The following PDSS2 variants were observed in gnomAD, a reference collection of about 807,000 sequenced individuals.
PDSS2 encodes the protein all trans-polyprenyl-diphosphate synthase PDSS2.
In PDSS2, 31 loss-of-function variants were observed where a neutral mutation model predicts 44.5. The observed-to-expected ratio is 0.70, with a 90% CI of 0.52 to 0.94. The LOEUF (loss-of-function observed/expected upper bound fraction) is 0.94. PDSS2 is among the 40% of genes least tolerant of loss of function. The pLI is 0.00. For synonymous variants in PDSS2, 157 were observed against 180.3 expected (o/e 0.87, Z 1.03); for missense variants, 452 against 482.2 (o/e 0.94, Z 0.59).
intron 2 of PDSS2, among the ~76,000 whole-genome samples, chr6:107,321,355 C>T (rs192176450): frequency 6.6e-6 from 1 of 152,304 alleles, no homozygotes; most frequent in Admixed American, 6.5e-5. Context: ...ATGATTAAGA[C>T]ACAAACCCTG....
intron 1 of PDSS2, among the ~76,000 whole-genome samples, chr6:107,444,526 T>C (rs1781606829): frequency 6.6e-6 from 1 of 152,188 alleles, no homozygotes; most frequent in Admixed American, 6.5e-5. Flanking sequence ...CTTATTCTTG[T>C]TTGTACATCC....
At chr6:107,171,801 C>T (rs577418017) in intron 7 of PDSS2, among the ~76,000 whole-genome samples, 4 of 152,278 alleles carry the variant, frequency 2.6e-5, no homozygotes, top group African/African-American at 9.6e-5. Context: ...GCTGGGATTA[C>T]AGGCGTGAGG....
intron 1 of PDSS2, among the ~76,000 whole-genome samples, chr6:107,346,311 T>C (rs554473939): frequency 1.3e-5 from 2 of 152,198 alleles, no homozygotes; most frequent in South Asian, 2.1e-4. Flanking sequence ...TCATTTACCA[T>C]GGTATCCTCA....
At chr6:107,434,799 C>A (rs572819382) in intron 1 of PDSS2, among the ~76,000 whole-genome samples, 1 of 152,132 alleles carries the variant, frequency 6.6e-6, no homozygotes, top group East Asian at 1.9e-4. Context: ...GTAACACATA[C>A]CCCATTTACC....
intron 2 of PDSS2, among the ~76,000 whole-genome samples, chr6:107,287,373 A>C (rs913568022): frequency 2.0e-5 from 3 of 152,104 alleles, no homozygotes; most frequent in Non-Finnish European, 4.4e-5. Context: ...CCCTGAATAT[A>C]CTACTGTATT....
intron 1 of PDSS2, among the ~76,000 whole-genome samples, chr6:107,398,086 C>T (rs962880917): frequency 2.0e-5 from 3 of 152,178 alleles, no homozygotes; most frequent in Non-Finnish European, 2.9e-5. Flanking sequence ...CTTTAAGAAA[C>T]TACCACCTGT....
chr6:107,459,181 C>CA lies in PDSS2; in HGVS notation c.104dup (p.Ser37LeufsTer68). 6.2e-7 allele frequency: 1 copy of CA among 1,614,106 alleles called. No individual in the cohort carries two copies. Among genetic ancestry groups the CA allele is most frequent in the Non-Finnish European group, 8.5e-7 (1 of 1,180,014 alleles). ...TGGAGGACCGACCACGCCAAGAGCC[C>CA]ACCGAGGAGATGGTGTCGAGGGACG... On this transcript the variant is annotated frameshift_variant, in exon 1 of 8. Transcript: ENST00000369037. LOFTEE classifies it high-confidence loss of function. This position sits in a 1 kb window ranked among gnomAD's most constrained non-coding sequence, Gnocchi z 4.3.
intron 1 of PDSS2, among the ~76,000 whole-genome samples, chr6:107,458,313 G>A (rs976107258): frequency 5.5e-5 from 8 of 144,868 alleles, no homozygotes; most frequent in African/African-American, 1.5e-4. Context: ...GTGAAACCCC[G>A]TATCTACTAA....
chr6:107,386,620 G>T (rs1158387176), intron 1 of PDSS2, among the ~76,000 whole-genome samples: 2 of 152,138 alleles, frequency 1.3e-5, no homozygotes, highest in Admixed American at 1.3e-4. Flanking sequence ...TTTCATAAAA[G>T]AACAAAGTAG....
chr6:107,295,539 T>C (rs1776483579), intron 2 of PDSS2, among the ~76,000 whole-genome samples: 1 of 152,182 alleles, frequency 6.6e-6, no homozygotes, highest in South Asian at 2.1e-4. Flanking sequence ...CTGTTTCATG[T>C]AATACCTCCA....
At chr6:107,225,914 C>T (rs1424051235) in intron 4 of PDSS2, among the ~76,000 whole-genome samples, 1 of 152,156 alleles carries the variant, frequency 6.6e-6, no homozygotes, top group Non-Finnish European at 1.5e-5. Flanking sequence ...CTTCTATGTG[C>T]AAGGTAAGTA....
intron 2 of PDSS2, among the ~76,000 whole-genome samples, chr6:107,323,984 T>C (rs750794792): frequency 2.0e-5 from 3 of 152,210 alleles, no homozygotes; most frequent in Non-Finnish European, 2.9e-5. Context: ...TGGTTAATTA[T>C]ACTGTTTTGT....
intron 7 of PDSS2, among the ~76,000 whole-genome samples, chr6:107,189,290 C>T (rs1281821643): frequency 6.6e-6 from 1 of 152,124 alleles, no homozygotes; most frequent in Non-Finnish European, 1.5e-5. Flanking sequence ...TCAAGTGCTC[C>T]TGCCTTGGCT....
At chr6:107,259,033 A>T (rs1775123278) in intron 3 of PDSS2, among the ~76,000 whole-genome samples, 1 of 152,154 alleles carries the variant, frequency 6.6e-6, no homozygotes, top group African/African-American at 2.4e-5. Flanking sequence ...TCTACCATTT[A>T]TTAGCAGTGT....
chr6:107,404,280 GA>G (rs1366263592), intron 1 of PDSS2, among the ~76,000 whole-genome samples: 1 of 152,134 alleles, frequency 6.6e-6, no homozygotes, highest in Admixed American at 6.5e-5. Context: ...AAAGCTATTT[GA>G]CAAGTCTCTA....
chr6:107,250,371 A>G (rs989098919), intron 3 of PDSS2, among the ~76,000 whole-genome samples: 2 of 152,232 alleles, frequency 1.3e-5, no homozygotes, highest in Non-Finnish European at 2.9e-5. Flanking sequence ...ATAATAATGT[A>G]CAAATGATAG....
chr6:107,332,245 C>T (rs1414666058), intron 2 of PDSS2, among the ~76,000 whole-genome samples: 2 of 151,976 alleles, frequency 1.3e-5, no homozygotes, highest in African/African-American at 2.4e-5. Context: ...GCTGGGACTA[C>T]AGGCACATGC....
chr6:107,434,095 T>C (rs936189847), intron 1 of PDSS2, among the ~76,000 whole-genome samples: 1 of 152,154 alleles, frequency 6.6e-6, no homozygotes, highest in African/African-American at 2.4e-5. Flanking sequence ...CATCAAAAGA[T>C]AAGCAATAAT....
At chr6:107,282,981 C>T (rs1370656890) in intron 2 of PDSS2, among the ~76,000 whole-genome samples, 2 of 151,338 alleles carry the variant, frequency 1.3e-5, no homozygotes, top group Admixed American at 6.6e-5. Context: ...ATCTCAGCCT[C>T]CCAAAGTGCT....
Sources: allele counts gnomAD v4.1 joint callset (sites outside exome capture counted in the v4.1 genomes callset), GRCh38; gene constraint gnomAD v4.1.1; non-coding constraint Gnocchi (gnomAD v3.1); transcripts MANE v1.5; gene names NCBI Gene and HGNC (gene_info 2026-07-23, HGNC 2026-07-21).